Variants in LSAMP observed in about 807,000 individuals in gnomAD.
The protein encoded by LSAMP is limbic system-associated membrane protein.
LSAMP carries 7 observed loss-of-function variants against 38.6 expected under a neutral mutation model. That is an observed-to-expected ratio of 0.18 (90% CI 0.10 to 0.34). LSAMP has a LOEUF of 0.34. Among genes scored for constraint, LSAMP ranks in the 10% least tolerant of loss-of-function variants. LSAMP has a pLI of 1.00. For missense variants in LSAMP, 313 were observed against 420.0 expected (o/e 0.75, Z 2.23); for synonymous variants, 154 against 166.8 (o/e 0.92, Z 0.59).
intron 1 of LSAMP, among the ~76,000 whole-genome samples, chr3:116,403,921 C>G (rs546065378): frequency 7.4e-6 from 1 of 135,624 alleles, no homozygotes; most frequent in East Asian, 2.0e-4. Flanking sequence ...ACCATGGCTA[C>G]TTTTGTAATT....
chr3:115,848,217 A>G (rs907005518), intron 4 of LSAMP, among the ~76,000 whole-genome samples: 1 of 152,192 alleles, frequency 6.6e-6, no homozygotes, highest in Non-Finnish European at 1.5e-5. Flanking sequence ...TAAGGTCAAG[A>G]GTTTGAGATC....
At chr3:116,137,568 A>G (rs1205934603) in intron 1 of LSAMP, among the ~76,000 whole-genome samples, 6 of 152,284 alleles carry the variant, frequency 3.9e-5, no homozygotes, top group African/African-American at 1.4e-4. Flanking sequence ...ATCCTTTGAG[A>G]AATAGTGAAA....
In LSAMP at chr3:116,403,763, A is replaced by T. The variant is rs1344019486; in HGVS notation, c.155+41114T>A. On this transcript the variant is annotated intron_variant, in intron 1 of 6. Transcript: ENST00000490035. ...CATAGAATCTTTTTTTTTTTTAAAC[A>T]AAAAAAGGACAGGGTCACATTCTGT... is the stretch of plus-strand genomic sequence containing the variant. Among the ~76,000 whole-genome samples, 3 of 151,944 alleles carry T rather than the reference A, an allele frequency of 2.0e-5. No homozygotes were observed. In the East Asian group the frequency reaches 5.8e-4, roughly 29 times the overall value.
At chr3:116,109,564 C>T (rs1189717680) in intron 1 of LSAMP, among the ~76,000 whole-genome samples, 3 of 152,092 alleles carry the variant, frequency 2.0e-5, no homozygotes, top group African/African-American at 7.2e-5. Context: ...GCTCATTTTA[C>T]AACAAGAAAT....
chr3:115,970,685 T>C (rs1295997010), intron 3 of LSAMP, among the ~76,000 whole-genome samples: 2 of 152,202 alleles, frequency 1.3e-5, no homozygotes, highest in Non-Finnish European at 2.9e-5. Flanking sequence ...ATATCACAGA[T>C]ATATGTACAA....
At chr3:116,428,723 T>C (rs1368596609) in intron 1 of LSAMP, among the ~76,000 whole-genome samples, 1 of 152,086 alleles carries the variant, frequency 6.6e-6, no homozygotes, top group Non-Finnish European at 1.5e-5. Flanking sequence ...TAAAATTGAG[T>C]GAAACTGTAC....
intron 3 of LSAMP, among the ~76,000 whole-genome samples, chr3:115,906,945 T>C (rs1299115503): frequency 6.6e-6 from 1 of 152,162 alleles, no homozygotes; most frequent in Non-Finnish European, 1.5e-5. Context: ...CTACATAGAT[T>C]AAATCCAAGA....
chr3:116,106,953 T>C (rs959933632), intron 1 of LSAMP, among the ~76,000 whole-genome samples: 29 of 152,128 alleles, frequency 1.9e-4, no homozygotes, highest in African/African-American at 6.5e-4. Flanking sequence ...TCCTTGAGGA[T>C]AGATTTCCAC....
intron 1 of LSAMP, among the ~76,000 whole-genome samples, chr3:116,228,332 T>C (rs913005205): frequency 2.0e-5 from 3 of 152,088 alleles, no homozygotes; most frequent in Non-Finnish European, 4.4e-5. Context: ...GAATGTACAA[T>C]GTTATCATTA....
chr3:116,206,134 G>C (rs1430749435), intron 1 of LSAMP, among the ~76,000 whole-genome samples: 3 of 150,108 alleles, frequency 2.0e-5, no homozygotes, highest in Non-Finnish European at 3.0e-5. Flanking sequence ...AGTCTTGGGA[G>C]AGTGTATGTG....
At chr3:115,829,453 T>C (rs552324136) in intron 6 of LSAMP, among the ~76,000 whole-genome samples, 11 of 152,348 alleles carry the variant, frequency 7.2e-5, no homozygotes, top group Non-Finnish European at 1.3e-4. Flanking sequence ...TTGTTGTAAA[T>C]TGGTGCTGAC....
intron 1 of LSAMP, among the ~76,000 whole-genome samples, chr3:116,297,060 G>T (rs2047346267): frequency 6.6e-6 from 1 of 152,152 alleles, no homozygotes; most frequent in Admixed American, 6.5e-5. Context: ...TCAGGATTCT[G>T]AGCATCAAGG....
chr3:116,174,213 C>T (rs766576772), intron 1 of LSAMP, among the ~76,000 whole-genome samples: 1 of 152,012 alleles, frequency 6.6e-6, no homozygotes. Context: ...ACAATAACAA[C>T]CAACACTGTT....
intron 1 of LSAMP, among the ~76,000 whole-genome samples, chr3:116,182,524 T>C (rs1356819861): frequency 2.0e-5 from 3 of 151,754 alleles, no homozygotes; most frequent in Non-Finnish European, 4.4e-5. Context: ...GCTATGGAGA[T>C]GCCCAAAGAT....
chr3:116,369,945 T>C (rs1043907115), intron 1 of LSAMP: 3 of 152,572 alleles, frequency 2.0e-5, no homozygotes, highest in African/African-American at 7.2e-5. Flanking sequence ...CCAACCCTGG[T>C]GCCGCCTTCA....
intron 1 of LSAMP, among the ~76,000 whole-genome samples, chr3:116,233,261 A>G (rs1224923836): frequency 6.6e-6 from 1 of 151,840 alleles, no homozygotes; most frequent in East Asian, 1.9e-4. Flanking sequence ...AAAATTCAAA[A>G]AATTAGCCGG....
intron 1 of LSAMP, among the ~76,000 whole-genome samples, chr3:116,089,283 C>A (rs1337886531): frequency 3.3e-5 from 5 of 152,090 alleles, no homozygotes; most frequent in African/African-American, 7.2e-5. Context: ...TGGGTTTTAT[C>A]CGTATTTATT....
intron 3 of LSAMP, among the ~76,000 whole-genome samples, chr3:116,008,408 T>G (rs1940227883): frequency 6.6e-6 from 1 of 152,172 alleles, no homozygotes; most frequent in Non-Finnish European, 1.5e-5. Flanking sequence ...TTCAAACTAG[T>G]TTCATATTCA....
intron 1 of LSAMP, among the ~76,000 whole-genome samples, chr3:116,283,728 C>T (rs1013853106): frequency 5.3e-5 from 8 of 152,174 alleles, no homozygotes; most frequent in Non-Finnish European, 2.9e-5. Flanking sequence ...GAGGTTGTGA[C>T]GGTATGTGCC....
Sources: gnomAD v4.1 joint callset for allele counts (sites outside exome capture counted in the v4.1 genomes callset) on GRCh38, gnomAD v4.1.1 for gene constraint, MANE v1.5 for transcripts, NCBI Gene and HGNC (gene_info 2026-07-23, HGNC 2026-07-21) for gene names.